CAMTA1: variants seen among roughly 807,000 people sequenced by gnomAD.
The protein encoded by CAMTA1 is calmodulin-binding transcription activator 1.
Under a neutral mutation model 170.9 loss-of-function variants are expected in CAMTA1, and 27 were observed. The ratio of observed to expected loss-of-function variants is 0.16; its 90% confidence interval spans 0.12 to 0.22. The LOEUF is 0.22. CAMTA1 is among the 10% of genes least tolerant of loss of function. The pLI is 1.00. For missense variants in CAMTA1, 1,619 were observed against 2,217.2 expected (o/e 0.73, Z 5.42); for synonymous variants, 833 against 891.5 (o/e 0.93, Z 1.17).
At position 7,665,101 on chromosome 1, in the gene CAMTA1, G is replaced by A. The variant is rs1159785365; in HGVS notation, c.2554G>A (p.Val852Ile). Residue 852 changes from valine (V) to isoleucine (I), a missense_variant, in exon 9 of 23, where the codon GTC (valine) becomes ATC (isoleucine). This residue lies in a region of CAMTA1 where 731 missense variants were observed against 907.6 expected (regional missense o/e 0.81). Transcript: ENST00000303635. This position sits in a 1 kb window ranked among gnomAD's most constrained non-coding sequence, Gnocchi z 4.3. ...TMAYMHVAEVVSAASAQGTLG... is the reference protein window; with the variant it reads ...TMAYMHVAEVISAASAQGTLG... ...GGCCTACATGCACGTCGCCGAGGTGGTCTCGGCCGCCTCGGCCCAGGGCAC... is the reference window on the plus strand; with the variant it reads ...GGCCTACATGCACGTCGCCGAGGTGATCTCGGCCGCCTCGGCCCAGGGCAC... 6 of 1,536,388 alleles carry A rather than the reference G, an allele frequency of 3.9e-6. No homozygotes were observed. The highest frequency in any genetic ancestry group is 1.3e-5 in the South Asian group (1 of 78,580).
At chr1:7,386,738 T>C (rs2088038120) in intron 5 of CAMTA1, among the ~76,000 whole-genome samples, 1 of 152,102 alleles carries the variant, frequency 6.6e-6, no homozygotes, top group African/African-American at 2.4e-5. Context: ...TGGCAACAGC[T>C]CCTGTTTCCC....
At chr1:6,788,562 G>A (rs1375603781) in intron 1 of CAMTA1, among the ~76,000 whole-genome samples, 2 of 152,158 alleles carry the variant, frequency 1.3e-5, no homozygotes, top group African/African-American at 4.8e-5. Context: ...AGCTTGATGG[G>A]ATTGTGTATT....
At chr1:7,480,538 A>G (rs2093513021) in intron 6 of CAMTA1, among the ~76,000 whole-genome samples, 1 of 151,792 alleles carries the variant, frequency 6.6e-6, no homozygotes, top group African/African-American at 2.4e-5. Context: ...GAGGTCACTA[A>G]TGACCTCTGC....
chr1:7,619,434 T>A (rs1398894539), intron 6 of CAMTA1, among the ~76,000 whole-genome samples: 2 of 152,022 alleles, frequency 1.3e-5, no homozygotes, highest in East Asian at 3.9e-4. Flanking sequence ...ATAGCAGGTG[T>A]CACAAGGAAG....
intron 6 of CAMTA1, among the ~76,000 whole-genome samples, chr1:7,601,487 T>A (rs1378843927): frequency 1.4e-5 from 2 of 144,722 alleles, no homozygotes; most frequent in African/African-American, 5.5e-5. Flanking sequence ...GCTCCTCACA[T>A]CCCAGACGAT....
chr1:7,276,295 A>ATTTTTT (rs1558345332), intron 5 of CAMTA1, among the ~76,000 whole-genome samples: 16 of 21,262 alleles, frequency 7.5e-4, no homozygotes, highest in Non-Finnish European at 9.7e-4. Flanking sequence ...ATATATATAT[A>ATTTTTT]TATATATATT....
At chr1:7,548,526 C>T (rs1250884724) in intron 6 of CAMTA1, among the ~76,000 whole-genome samples, 1 of 148,028 alleles carries the variant, frequency 6.8e-6, no homozygotes, top group Non-Finnish European at 1.5e-5. Flanking sequence ...GGAGGGTGCC[C>T]CCTTAGGGGT....
chr1:7,503,025 C>T (rs1557831368), intron 6 of CAMTA1, among the ~76,000 whole-genome samples: 1 of 152,230 alleles, frequency 6.6e-6, no homozygotes. Flanking sequence ...ACTCTCCCCT[C>T]TTAGCCGGGG....
intron 6 of CAMTA1, among the ~76,000 whole-genome samples, chr1:7,513,996 G>T (rs1488006708): frequency 6.6e-6 from 1 of 151,766 alleles, no homozygotes; most frequent in Non-Finnish European, 1.5e-5. Flanking sequence ...ACTGGATCAG[G>T]GCCCACCCTA....
rs1242935916 is a variant in CAMTA1 at position 7,766,034 on chromosome 1, A to AG, written c.4990-425_4990-424insG. Among the ~76,000 whole-genome samples the AG allele has an allele frequency of 6.9e-5, 8 of 115,290 alleles. No individual in the cohort carries two copies. The East Asian group carries it at 2.3e-3, about 34-fold the overall frequency. The allele number at this position is 115,290 out of a possible 152,430, so 75.6% of individuals were successfully genotyped here. On this transcript the variant is annotated intron_variant, in intron 22 of 22. Transcript: ENST00000303635. ...ACAGCGAGATTCTGTCTCAAAAAAAAAAAAAAAAAAACTAAATAAATGCAT... is the reference window on the plus strand; with the variant it reads ...ACAGCGAGATTCTGTCTCAAAAAAAAGAAAAAAAAAAACTAAATAAATGCAT...
chr1:7,242,807 T>TAAAA (rs1553285095), intron 4 of CAMTA1, among the ~76,000 whole-genome samples: 1 of 133,698 alleles, frequency 7.5e-6, no homozygotes, highest in Non-Finnish European at 1.7e-5. Flanking sequence ...AATAAATAAA[T>TAAAA]AAAAATTAGC....
chr1:7,213,605 T>A lies in CAMTA1; in HGVS notation c.303-35886T>A, dbSNP rs28783735. Among the ~76,000 whole-genome samples, 430 of 87,938 alleles carry A rather than the reference T, an allele frequency of 4.9e-3. 11 individuals are homozygous for A. In the East Asian group the frequency reaches 0.093, roughly 19 times the overall value. 57.7% of individuals were successfully genotyped at this position (87,938 alleles called of 152,430 possible). A position where few individuals can be genotyped will look rare whatever the true frequency, so the allele number is the denominator to read the frequency against. On this transcript the variant is annotated intron_variant, in intron 4 of 22. Coordinates refer to ENST00000303635, the MANE Select transcript of CAMTA1 (RefSeq NM_015215.4). ...GAGCAAATATTTTTTTTCTTTTTTTTAAATTTCTTTTTTTTATTATACTTT... is the reference window on the plus strand; with the variant it reads ...GAGCAAATATTTTTTTTCTTTTTTTAAAATTTCTTTTTTTTATTATACTTT...
rs145925541 is a variant in CAMTA1, at chr1:6,800,140, C to A, written c.45+14565C>A. 6.6e-4 allele frequency among the ~76,000 whole-genome samples: 101 copies of A among 152,060 alleles called. 1 individual carries two copies. Among genetic ancestry groups the A allele is most frequent in the Non-Finnish European group, 1.2e-3 (84 of 67,980 alleles). ...AAAACGTAGGCCGGGTGCTGTGGCT[C>A]GGTGCCTATAATCTAAGCACTTTGG... On this transcript the variant is annotated intron_variant, in intron 1 of 22. Transcript: ENST00000303635.
chr1:7,246,793 G>T (rs1033133465), intron 4 of CAMTA1, among the ~76,000 whole-genome samples: 3 of 148,154 alleles, frequency 2.0e-5, no homozygotes, highest in Non-Finnish European at 4.4e-5. Context: ...CAGCCTCCTG[G>T]GTAGCTGGAA....
intron 1 of CAMTA1, among the ~76,000 whole-genome samples, chr1:6,818,430 TTAAC>T (rs2148431917): frequency 6.6e-6 from 1 of 152,332 alleles, no homozygotes; most frequent in Admixed American, 6.5e-5. Flanking sequence ...CTCACCCTCA[TTAAC>T]TATGGTAACA....
At chr1:7,016,696 G>T (rs1391280108) in intron 3 of CAMTA1, among the ~76,000 whole-genome samples, 1 of 152,244 alleles carries the variant, frequency 6.6e-6, no homozygotes, top group South Asian at 2.1e-4. Context: ...TTAGCCTTGC[G>T]TGGTGGCAGA....
At chr1:7,644,056 G>A (rs560462518) in intron 7 of CAMTA1, among the ~76,000 whole-genome samples, 1 of 152,316 alleles carries the variant, frequency 6.6e-6, no homozygotes, top group African/African-American at 2.4e-5. Flanking sequence ...ATTTCCTGAT[G>A]TTTCCAAATT....
chr1:7,417,804 T>A (rs1427591975), intron 5 of CAMTA1, among the ~76,000 whole-genome samples: 1 of 152,138 alleles, frequency 6.6e-6, no homozygotes, highest in African/African-American at 2.4e-5. Flanking sequence ...CGTCCGGCAC[T>A]CCCTAGTGAG....
chr1:7,725,213 A>G (rs760950923), intron 11 of CAMTA1, among the ~76,000 whole-genome samples: 2 of 152,214 alleles, frequency 1.3e-5, no homozygotes, highest in Non-Finnish European at 2.9e-5. Flanking sequence ...ATGAAGGTGA[A>G]TGTATCCTTC....
Sources: gnomAD v4.1 joint callset for allele counts (sites outside exome capture counted in the v4.1 genomes callset) on GRCh38, gnomAD v4.1.1 for gene constraint, gnomAD v4.1.1 regional missense constraint, Gnocchi (gnomAD v3.1) non-coding constraint, MANE v1.5 for transcripts, NCBI Gene and HGNC (gene_info 2026-07-23, HGNC 2026-07-21) for gene names.